Variants in EFL1 observed in about 807,000 individuals in gnomAD.
The protein encoded by EFL1 is elongation factor-like GTPase 1.
A neutral mutation model predicts 126.7 loss-of-function variants in EFL1; 76 were observed. The observed-to-expected ratio is 0.60, with a 90% CI of 0.50 to 0.73. EFL1 has a LOEUF of 0.73. Ranked by LOEUF, EFL1 falls within the 30% of genes least tolerant of loss-of-function variation. The pLI, the probability that EFL1 is intolerant of heterozygous loss-of-function variation, is 0.00. For missense variants in EFL1, 1,128 were observed against 1,343.2 expected (o/e 0.84, Z 2.50); for synonymous variants, 410 against 448.4 (o/e 0.91, Z 1.08).
chr15:82,203,195 T>C (rs1045746353), intron 15 of EFL1, among the ~76,000 whole-genome samples: 2 of 152,172 alleles, frequency 1.3e-5, no homozygotes, highest in African/African-American at 4.8e-5. Context: ...ACAATATAGG[T>C]CCACTACTCA....
intron 15 of EFL1, among the ~76,000 whole-genome samples, chr15:82,192,401 C>CA (rs59214257): frequency 0.3 from 25,879 of 85,896 alleles, 3,956 homozygotes; most frequent in African/African-American, 0.52. Flanking sequence ...AATTCCGTCT[C>CA]AAAAAAAAAA....
chr15:82,163,889 G>C lies in EFL1; in HGVS notation c.1846C>G (p.Pro616Ala), dbSNP rs759278943. Residue 616 changes from proline to alanine, a missense_variant, in exon 16 of 20, where the codon CCT (proline) becomes GCT (alanine). This residue lies in a region of EFL1 where 561 missense variants were observed against 641.7 expected (regional missense o/e 0.87). Coordinates refer to ENST00000268206, the MANE Select transcript of EFL1 (RefSeq NM_024580.6). Reference protein sequence around the residue: ...PFIPLNFEATPIVRVAVEPKH... With the variant: ...PFIPLNFEATAIVRVAVEPKH... Reference sequence around the variant, plus strand: ...GGTTCAACAGCAACTCTCACAATAGGAGTGGCTTCGAAGTTGAGTGGTATA... The same window carrying C: ...GGTTCAACAGCAACTCTCACAATAGCAGTGGCTTCGAAGTTGAGTGGTATA... The C allele has an allele frequency of 6.2e-7, 1 of 1,614,114 alleles. No homozygotes were observed. The highest frequency in any genetic ancestry group is 2.2e-5 in the East Asian group (1 of 44,882).
At chr15:82,246,237 T>C (rs550183799) in intron 4 of EFL1, among the ~76,000 whole-genome samples, 1 of 152,248 alleles carries the variant, frequency 6.6e-6, no homozygotes, top group East Asian at 1.9e-4. Context: ...GCTGCGTAGA[T>C]AGTAAATCTA....
At position 82,228,282 on chromosome 15, in the gene EFL1, T is replaced by A; in HGVS notation, c.978A>T (p.Lys326Asn). The change falls in exon 10 of 20, where the codon AAA becomes AAT. Residue 326 changes from lysine to asparagine, a missense_variant. Lys to Asn is a moderately conservative substitution (Grantham distance 94). Around this residue, in one of 6 missense-constraint regions of EFL1, gnomAD observed 316 missense variants for 318.5 expected, o/e 0.99. Coordinates refer to ENST00000268206, the MANE Select transcript of EFL1 (RefSeq NM_024580.6). ...IDKIVTSLGL[K>N]IGAREARHSD... ...AATGTCGTGCCTCCCGGGCTCCAAT[T>A]TTTAATCCTAAAGAAGTCACTATTT... The A allele has an allele frequency of 6.2e-7, 1 of 1,614,080 alleles. No individual in the cohort carries two copies. Among genetic ancestry groups the A allele is most frequent in the South Asian group, 1.1e-5 (1 of 91,060 alleles).
intron 15 of EFL1, among the ~76,000 whole-genome samples, chr15:82,211,054 TC>T (rs2074578784): frequency 6.6e-6 from 1 of 151,888 alleles, no homozygotes; most frequent in Admixed American, 6.6e-5. Flanking sequence ...GCCATCTTAT[TC>T]TTTCCATTTC....
intron 15 of EFL1, among the ~76,000 whole-genome samples, chr15:82,192,128 C>T (rs552679505): frequency 3.3e-5 from 5 of 152,126 alleles, no homozygotes; most frequent in Admixed American, 6.5e-5. Context: ...AGGCCAGGCA[C>T]GGTGGCTCAT....
chr15:82,238,044 C>T (rs977536514), intron 7 of EFL1, among the ~76,000 whole-genome samples: 11 of 152,058 alleles, frequency 7.2e-5, no homozygotes, highest in African/African-American at 2.2e-4. Flanking sequence ...ATAAGGGCAA[C>T]GTGAAGGAGC....
chr15:82,218,801 G>T (rs1164659419), intron 14 of EFL1, among the ~76,000 whole-genome samples: 2 of 152,190 alleles, frequency 1.3e-5, no homozygotes, highest in Non-Finnish European at 2.9e-5. Flanking sequence ...GGATTAAACT[G>T]CTAAAACTCA....
intron 16 of EFL1, among the ~76,000 whole-genome samples, chr15:82,158,686 C>A (rs11636500): frequency 0.13 from 19,133 of 152,218 alleles, 1,546 homozygotes; most frequent in Non-Finnish European, 0.17. Context: ...ATCACAGGAA[C>A]TTTCTGCAAT....
At chr15:82,167,513 GTA>G (rs1252706547) in intron 15 of EFL1, among the ~76,000 whole-genome samples, 1 of 152,130 alleles carries the variant, frequency 6.6e-6, no homozygotes, top group Non-Finnish European at 1.5e-5. Flanking sequence ...ATTAAGGAGA[GTA>G]TCTTTTATGA....
intron 7 of EFL1, among the ~76,000 whole-genome samples, chr15:82,232,535 TTTG>T (rs1384075946): frequency 6.6e-6 from 1 of 152,340 alleles, no homozygotes; most frequent in African/African-American, 2.4e-5. Context: ...CCTCATGCAC[TTTG>T]TTGTTATGAT....
intron 3 of EFL1, among the ~76,000 whole-genome samples, chr15:82,258,025 C>T (rs868278042): frequency 1.3e-5 from 2 of 152,154 alleles, no homozygotes; most frequent in African/African-American, 4.8e-5. Flanking sequence ...GCTTCCCTCC[C>T]AACCCACACA....
intron 12 of EFL1, among the ~76,000 whole-genome samples, chr15:82,224,791 A>G (rs763902164): frequency 9.9e-5 from 15 of 152,226 alleles, no homozygotes; most frequent in Non-Finnish European, 1.6e-4. Context: ...ACACACAGGG[A>G]AGCAGAGATC....
intron 15 of EFL1, among the ~76,000 whole-genome samples, chr15:82,168,706 G>A (rs1471142711): frequency 6.6e-6 from 1 of 152,094 alleles, no homozygotes; most frequent in Admixed American, 6.5e-5. Flanking sequence ...TAGAGATGGG[G>A]TTTCACCATG....
chr15:82,154,780 A>C (rs2073950163), intron 17 of EFL1, among the ~76,000 whole-genome samples: 1 of 152,064 alleles, frequency 6.6e-6, no homozygotes. Flanking sequence ...TTCTTTTTTA[A>C]AAACAGGGTC....
rs546169630 is a variant in EFL1, at chr15:82,131,454, G to A, written c.3175-893C>T. On this transcript the variant is annotated intron_variant, in intron 19 of 19. Coordinates refer to ENST00000268206, the MANE Select transcript of EFL1 (RefSeq NM_024580.6). Reference sequence around the variant, plus strand: ...TTACAGGTGCATGCCACCATGCCCAGCTAATTTTTAATTTTTTTTCTGGAG... The same window carrying A: ...TTACAGGTGCATGCCACCATGCCCAACTAATTTTTAATTTTTTTTCTGGAG... 3.3e-5 allele frequency among the ~76,000 whole-genome samples: 5 copies of A among 152,244 alleles called. No individual in the cohort carries two copies. The East Asian group carries it at 9.7e-4, about 29-fold the overall frequency.
chr15:82,228,280 A>G lies in EFL1; in HGVS notation c.980T>C (p.Ile327Thr), dbSNP rs749869290. 6.2e-6 allele frequency: 10 copies of G among 1,614,050 alleles called. No individual in the cohort carries two copies. The South Asian group carries it at 9.9e-5, about 16-fold the overall frequency. ...TGAATGTCGTGCCTCCCGGGCTCCA[A>G]TTTTTAATCCTAAAGAAGTCACTAT... ...DKIVTSLGLK[I>T]GAREARHSDP... is the part of the protein sequence containing the mutation. The change falls in exon 10 of 20, where the codon ATT becomes ACT. Residue 327 changes from isoleucine (I) to threonine (T), a missense_variant. Around this residue, in one of 6 missense-constraint regions of EFL1, gnomAD observed 316 missense variants for 318.5 expected, o/e 0.99. Coordinates refer to ENST00000268206, the MANE Select transcript of EFL1 (RefSeq NM_024580.6).
At chr15:82,186,695 C>T (rs942080213) in intron 15 of EFL1, among the ~76,000 whole-genome samples, 18 of 152,126 alleles carry the variant, frequency 1.2e-4, no homozygotes, top group Non-Finnish European at 2.1e-4. Flanking sequence ...TCTTATGAGC[C>T]GACAGTTTTC....
At chr15:82,247,741 G>T (rs1188454725) in intron 4 of EFL1, among the ~76,000 whole-genome samples, 1 of 152,082 alleles carries the variant, frequency 6.6e-6, no homozygotes, top group African/African-American at 2.4e-5. Context: ...TGTTTTCACA[G>T]TAAGTTTTGG....
Sources: allele counts gnomAD v4.1 joint callset (sites outside exome capture counted in the v4.1 genomes callset), GRCh38; gene constraint gnomAD v4.1.1; regional missense constraint gnomAD v4.1.1; transcripts MANE v1.5; gene names NCBI Gene and HGNC (gene_info 2026-07-23, HGNC 2026-07-21).